HM13: variants seen among roughly 807,000 people sequenced by gnomAD.
HM13 encodes histocompatibility minor 13, also known as signal peptide peptidase.
Under a neutral mutation model 50.0 loss-of-function variants are expected in HM13, and 18 were observed. The observed-to-expected ratio is 0.36, with a 90% confidence interval of 0.25 to 0.53. HM13 has a LOEUF of 0.53. Among genes scored for constraint, HM13 ranks in the 20% least tolerant of loss-of-function variants. The pLI is 0.90. For synonymous variants in HM13, 197 were observed against 232.6 expected (o/e 0.85, Z 1.39); for missense variants, 393 against 552.4 (o/e 0.71, Z 2.89).
At chr20:31,522,395 T>G (rs1298608302) in intron 1 of HM13, among the ~76,000 whole-genome samples, 2 of 152,126 alleles carry the variant, frequency 1.3e-5, no homozygotes, top group African/African-American at 4.8e-5. Context: ...AAACCCCATC[T>G]CTACTAAAAA....
At chr20:31,531,363 T>C (rs1416771936) in intron 2 of HM13, among the ~76,000 whole-genome samples, 1 of 151,928 alleles carries the variant, frequency 6.6e-6, no homozygotes, top group Non-Finnish European at 1.5e-5. Flanking sequence ...TTAACACCTG[T>C]TTCCTATTTC....
intron 12 of HM13, among the ~76,000 whole-genome samples, chr20:31,568,613 A>G (rs140399492): frequency 6.6e-6 from 1 of 152,282 alleles, no homozygotes; most frequent in East Asian, 1.9e-4. Flanking sequence ...TTTGGCATGA[A>G]CTCAGTTGCT....
intron 2 of HM13, among the ~76,000 whole-genome samples, chr20:31,534,189 G>C (rs1277576823): frequency 6.6e-6 from 1 of 152,032 alleles, no homozygotes; most frequent in African/African-American, 2.4e-5. Context: ...ACTTTATGAA[G>C]TCTTTAAGGA....
intron 1 of HM13, among the ~76,000 whole-genome samples, chr20:31,518,031 A>G (rs1385914280): frequency 7.3e-6 from 1 of 137,090 alleles, no homozygotes; most frequent in Non-Finnish European, 1.5e-5. Flanking sequence ...ATTTCTCTAC[A>G]ACTTGATTTT....
Position 31,569,509 on chromosome 20 carries a change from AT to A in HM13, c.*294del. The A allele has an allele frequency of 3.6e-6, 1 of 278,174 alleles. No individual in the cohort carries two copies. The highest frequency in any genetic ancestry group is 6.9e-6 in the Non-Finnish European group (1 of 145,964). The allele number at this position is 278,174 out of a possible 1,614,324, so 17.2% of individuals were successfully genotyped here. A position where few individuals can be genotyped will look rare whatever the true frequency, so the allele number is the denominator to read the frequency against. On this transcript the variant is annotated 3_prime_UTR_variant, in exon 13 of 13. Transcript: ENST00000398174. ...TTTTTAGATTTTGTATTGTGGACTGATTTTGCCTCACATTAAAAACTCATCC... is the reference window on the plus strand; with the variant it reads ...TTTTTAGATTTTGTATTGTGGACTGATTTGCCTCACATTAAAAACTCATCC...
chr20:31,529,464 C>CGA (rs1173209532), intron 2 of HM13, among the ~76,000 whole-genome samples: 1 of 152,076 alleles, frequency 6.6e-6, no homozygotes, highest in Non-Finnish European at 1.5e-5. Context: ...AGGCTGGTCT[C>CGA]GAACTCCTGG....
At position 31,568,014 on chromosome 20, in the gene HM13, T is replaced by C. The variant is rs1985021003; in HGVS notation, c.1035-64T>C. ...CTCTGCTCCTTGGAAAGGAAGTCTC[T>C]GTCCTCCCTTAGTCTTTCCCTATCC... On this transcript the variant is annotated intron_variant, in intron 11 of 12. Coordinates refer to ENST00000398174, the MANE Select transcript of HM13 (RefSeq NM_178581.3). 1.0e-5 allele frequency: 14 copies of C among 1,368,830 alleles called. No homozygotes were observed. The South Asian group carries it at 1.9e-4, about 19-fold the overall frequency. The allele number at this position is 1,368,830 out of a possible 1,614,324, so 84.8% of individuals were successfully genotyped here.
At chr20:31,523,595 G>A (rs896346809) in intron 1 of HM13, among the ~76,000 whole-genome samples, 3 of 152,138 alleles carry the variant, frequency 2.0e-5, no homozygotes, top group African/African-American at 7.2e-5. Context: ...AATAGAATAC[G>A]TGTTCCCTGT....
intron 4 of HM13, among the ~76,000 whole-genome samples, chr20:31,547,090 C>T (rs1983766466): frequency 1.3e-5 from 2 of 152,332 alleles, no homozygotes; most frequent in African/African-American, 4.8e-5. Context: ...TCCATATTCC[C>T]TGTCCATTTA....
intron 7 of HM13, among the ~76,000 whole-genome samples, chr20:31,552,999 AG>A (rs1391266353): frequency 6.6e-6 from 1 of 152,026 alleles, no homozygotes; most frequent in Non-Finnish European, 1.5e-5. Flanking sequence ...ATATGTATAA[AG>A]AAATAAAAAT....
chr20:31,568,469 C>T (rs1985062046), intron 12 of HM13, among the ~76,000 whole-genome samples: 1 of 152,200 alleles, frequency 6.6e-6, no homozygotes, highest in Admixed American at 6.5e-5. Context: ...TGGAAATGGC[C>T]CTTGTCATGC....
chr20:31,561,586 A>C (rs1340093130), intron 9 of HM13, 48 bp from the exon 10 acceptor site: 2 of 1,273,524 alleles, frequency 1.6e-6, no homozygotes, highest in African/African-American at 2.9e-5. Flanking sequence ...TTACTAGTTC[A>C]GTCCCTATAT....
At chr20:31,554,225 C>CA (rs1400223380) in intron 7 of HM13, among the ~76,000 whole-genome samples, 2 of 151,844 alleles carry the variant, frequency 1.3e-5, no homozygotes, top group African/African-American at 2.4e-5. Context: ...GCTGGGAATA[C>CA]AAAAATGGGG....
At chr20:31,534,093 T>TGA (rs113460913) in intron 2 of HM13, among the ~76,000 whole-genome samples, 47,024 of 151,820 alleles carry the variant, frequency 0.31, 12,055 homozygotes, top group African/African-American at 0.71. Context: ...TTGCCTATGC[T>TGA]TCTTGAACTC....
chr20:31,550,198 G>A, intron 7 of HM13, 77 bp downstream of exon 7: 2 of 1,036,200 alleles, frequency 1.9e-6, no homozygotes, highest in Non-Finnish European at 3.1e-6. Context: ...GTTTCAGTCA[G>A]TGCATCTCCC....
chr20:31,517,615 T>C (rs888332219), intron 1 of HM13, among the ~76,000 whole-genome samples: 1 of 152,036 alleles, frequency 6.6e-6, no homozygotes, highest in African/African-American at 2.4e-5. Context: ...CTGCATGGAT[T>C]GGGAGAGTCC....
chr20:31,538,719 A>G (rs1160675554), intron 3 of HM13: 5 of 886,428 alleles, frequency 5.6e-6, no homozygotes, highest in Middle Eastern at 5.2e-4. Context: ...TTGAGTCCAG[A>G]CTCTGCCACT....
In HM13 at chr20:31,514,546, C is replaced by T. The variant is rs770396028; in HGVS notation, c.-6C>T. ...GCTGGAGTCGGATCCCGAACGCACC[C>T]TCGCCATGGACTCGGCCCTCAGCGA... On this transcript the variant is annotated 5_prime_UTR_variant, in exon 1 of 13. Transcript: ENST00000398174. This position sits in a 1 kb window ranked among gnomAD's most constrained non-coding sequence, Gnocchi z 4.3. The T allele has an allele frequency of 3.1e-6, 5 of 1,603,768 alleles. No individual in the cohort carries two copies. The East Asian group carries it at 9.0e-5, about 29-fold the overall frequency.
intron 10 of HM13, among the ~76,000 whole-genome samples, chr20:31,564,795 G>GA (rs1199967743): frequency 1.3e-5 from 2 of 148,928 alleles, no homozygotes; most frequent in Non-Finnish European, 3.0e-5. Flanking sequence ...AATGAGCCAA[G>GA]ATCGCACCAT....
Sources: gnomAD v4.1 joint callset for allele counts (sites outside exome capture counted in the v4.1 genomes callset) on GRCh38, gnomAD v4.1.1 for gene constraint, Gnocchi (gnomAD v3.1) non-coding constraint, MANE v1.5 for transcripts, NCBI Gene and HGNC (gene_info 2026-07-23, HGNC 2026-07-21) for gene names.